Variants in GPC5 observed in about 807,000 individuals in gnomAD.
GPC5 encodes the protein glypican-5.
Under a neutral mutation model 53.9 loss-of-function variants are expected in GPC5, and 47 were observed. The observed-to-expected ratio is 0.87, with a 90% CI of 0.69 to 1.11. The LOEUF (loss-of-function observed/expected upper bound fraction) is 1.11. Among genes scored for constraint, GPC5 ranks in the 50% most tolerant of loss-of-function variants. The pLI is 0.00. For synonymous variants in GPC5, 286 were observed against 263.3 expected (o/e 1.09, Z -0.84); for missense variants, 748 against 713.1 (o/e 1.05, Z -0.56).
chr13:92,262,002 T>C (rs998698024), intron 7 of GPC5, among the ~76,000 whole-genome samples: 5 of 152,286 alleles, frequency 3.3e-5, no homozygotes, highest in African/African-American at 1.2e-4. Context: ...TTGCCATATG[T>C]CCAGTATTTG....
rs565147384 is a variant in GPC5 at position 91,781,180 on chromosome 13, C to T, written c.1280+24760C>T. 2.0e-5 allele frequency among the ~76,000 whole-genome samples: 3 copies of T among 152,306 alleles called. No individual in the cohort carries two copies. In the South Asian group the frequency reaches 6.2e-4, roughly 32 times the overall value. On this transcript the variant is annotated intron_variant, in intron 5 of 7. Transcript: ENST00000377067. Reference sequence around the variant, plus strand: ...ATTCCCATAGTCATTGTTGGGATGACTTTGTTGTTCAGCTTGATCTGCCAC... The same window carrying T: ...ATTCCCATAGTCATTGTTGGGATGATTTTGTTGTTCAGCTTGATCTGCCAC...
chr13:92,296,226 T>C (rs1383701690), intron 7 of GPC5, among the ~76,000 whole-genome samples: 1 of 152,102 alleles, frequency 6.6e-6, no homozygotes, highest in Non-Finnish European at 1.5e-5. Flanking sequence ...TAATGCACTA[T>C]TTTTGTGCTG....
chr13:91,571,882 T>C lies in GPC5; in HGVS notation c.326-121305T>C, dbSNP rs758440386. The stretch of plus-strand genomic sequence containing the variant: ...ATACGTGTGTGTATATATACACACA[T>C]ATACGTGTGTATATACACATATTGT... On this transcript the variant is annotated intron_variant, in intron 2 of 7. Transcript: ENST00000377067. Among the ~76,000 whole-genome samples, 587 of 92,854 alleles carry C rather than the reference T, an allele frequency of 6.3e-3. 68 individuals carry two copies. Among genetic ancestry groups the C allele is most frequent in the South Asian group, 0.035 (85 of 2,404 alleles). The allele number at this position is 92,854 out of a possible 152,430, so 60.9% of individuals were successfully genotyped here. A position where few individuals can be genotyped will look rare whatever the true frequency, so the allele number is the denominator to read the frequency against.
chr13:91,938,142 G>A (rs947836971), intron 6 of GPC5, among the ~76,000 whole-genome samples: 1 of 151,968 alleles, frequency 6.6e-6, no homozygotes, highest in African/African-American at 2.4e-5. Context: ...CTGAGATGGG[G>A]TAATTTATAA....
At chr13:91,625,505 G>A (rs1036524844) in intron 2 of GPC5, among the ~76,000 whole-genome samples, 3 of 151,960 alleles carry the variant, frequency 2.0e-5, no homozygotes, top group Admixed American at 6.6e-5. Context: ...TTAGTCGTGC[G>A]GAAAAAGTGT....
chr13:92,516,698 A>G (rs1880797328), intron 7 of GPC5, among the ~76,000 whole-genome samples: 1 of 152,080 alleles, frequency 6.6e-6, no homozygotes, highest in African/African-American at 2.4e-5. Context: ...GTGTATTTCC[A>G]TTTCTGACTT....
intron 7 of GPC5, among the ~76,000 whole-genome samples, chr13:92,693,796 C>A (rs1887481024): frequency 6.6e-6 from 1 of 152,132 alleles, no homozygotes; most frequent in Admixed American, 6.5e-5. Flanking sequence ...AATCCACCTG[C>A]ACAAATTTGC....
At chr13:92,191,783 T>C (rs1302770833) in intron 7 of GPC5, among the ~76,000 whole-genome samples, 1 of 152,204 alleles carries the variant, frequency 6.6e-6, no homozygotes, top group Non-Finnish European at 1.5e-5. Flanking sequence ...GACTCTGTAA[T>C]TCTAACTAAA....
chr13:91,488,090 G>A (rs1883719358), intron 2 of GPC5, among the ~76,000 whole-genome samples: 1 of 152,066 alleles, frequency 6.6e-6, no homozygotes, highest in Non-Finnish European at 1.5e-5. Context: ...ATACATATAT[G>A]TATGACCCAG....
At chr13:91,528,957 G>A (rs1450048449) in intron 2 of GPC5, among the ~76,000 whole-genome samples, 1 of 152,164 alleles carries the variant, frequency 6.6e-6, no homozygotes, top group Non-Finnish European at 1.5e-5. Context: ...CTTCCCACTA[G>A]GTCTCTCCCT....
At chr13:92,488,271 C>G (rs1005330989) in intron 7 of GPC5, among the ~76,000 whole-genome samples, 4 of 152,084 alleles carry the variant, frequency 2.6e-5, no homozygotes, top group Non-Finnish European at 5.9e-5. Flanking sequence ...ATCTTTCAAA[C>G]CAATTTAAAT....
chr13:91,810,533 C>A lies in GPC5; in HGVS notation c.1280+54113C>A, dbSNP rs368533375. Among the ~76,000 whole-genome samples, 218 of 151,974 alleles carry A rather than the reference C, an allele frequency of 1.4e-3. 1 individual carries two copies. In the Middle Eastern group the frequency reaches 0.037, roughly 26 times the overall value. ...AATGAATTAATCAATTTAGTTACTA[C>A]AGTAAAACTGTTATAATTTAATTTC... On this transcript the variant is annotated intron_variant, in intron 5 of 7. Transcript: ENST00000377067.
chr13:92,034,925 G>A (rs1168212473), intron 6 of GPC5, among the ~76,000 whole-genome samples: 1 of 152,076 alleles, frequency 6.6e-6, no homozygotes, highest in Non-Finnish European at 1.5e-5. Flanking sequence ...CTCAATAAAA[G>A]AGGCCCACTT....
chr13:92,230,414 G>A (rs1029141012), intron 7 of GPC5, among the ~76,000 whole-genome samples: 2 of 151,996 alleles, frequency 1.3e-5, no homozygotes, highest in African/African-American at 2.4e-5. Context: ...TCTGTGTAAC[G>A]TACTATTAAC....
intron 6 of GPC5, among the ~76,000 whole-genome samples, chr13:91,969,521 G>T (rs2040220821): frequency 6.6e-6 from 1 of 152,040 alleles, no homozygotes; most frequent in Non-Finnish European, 1.5e-5. Context: ...AAAACAAGGG[G>T]TACTATACCA....
At chr13:92,662,393 G>T (rs1187566882) in intron 7 of GPC5, among the ~76,000 whole-genome samples, 5 of 152,108 alleles carry the variant, frequency 3.3e-5, no homozygotes, top group African/African-American at 7.2e-5. Flanking sequence ...TACTGTTCCT[G>T]CATTTAGACT....
At chr13:92,682,101 AATG>A (rs1346864461) in intron 7 of GPC5, among the ~76,000 whole-genome samples, 1 of 152,200 alleles carries the variant, frequency 6.6e-6, no homozygotes, top group Admixed American at 6.5e-5. Context: ...TGAATTAATG[AATG>A]ATGAGAAAGC....
At chr13:91,655,287 G>C (rs988292759) in intron 2 of GPC5, among the ~76,000 whole-genome samples, 2 of 152,046 alleles carry the variant, frequency 1.3e-5, no homozygotes, top group Non-Finnish European at 2.9e-5. Flanking sequence ...GGAAAATTCT[G>C]TGTGTGTTTG....
At chr13:91,492,061 G>A (rs1442031863) in intron 2 of GPC5, among the ~76,000 whole-genome samples, 2 of 151,910 alleles carry the variant, frequency 1.3e-5, no homozygotes, top group South Asian at 2.1e-4. Context: ...CTCTATTTTA[G>A]CCCCTATTAC....
Sources: allele counts gnomAD v4.1 joint callset (sites outside exome capture counted in the v4.1 genomes callset), GRCh38; gene constraint gnomAD v4.1.1; transcripts MANE v1.5; gene names NCBI Gene and HGNC (gene_info 2026-07-23, HGNC 2026-07-21).